The following NTRK1 variants were observed in gnomAD, a reference collection of about 807,000 sequenced individuals.
The protein encoded by NTRK1 is neurotrophic receptor tyrosine kinase 1.
In NTRK1, 62 loss-of-function variants were observed where a neutral mutation model predicts 86.8. The ratio of observed to expected loss-of-function variants is 0.71; its 90% confidence interval spans 0.58 to 0.88. The LOEUF is 0.88. Ranked by LOEUF, NTRK1 falls within the 40% of genes least tolerant of loss-of-function variation. The pLI, the probability that NTRK1 is intolerant of heterozygous loss-of-function variation, is 0.00. For synonymous variants in NTRK1, 469 were observed against 456.6 expected (o/e 1.03, Z -0.35); for missense variants, 967 against 1,078.4 (o/e 0.90, Z 1.45).
At chr1:156,845,541 A>AAAC in intron 2 of NTRK1, 1 of 1,288,360 alleles carries the variant, frequency 7.8e-7, no homozygotes, top group Non-Finnish European at 1.1e-6. Context: ...CCACCCACAA[A>AAAC]CCCCACCCCT....
At chr1:156,844,513 C>G (rs774203872) in intron 2 of NTRK1, 3 of 1,614,122 alleles carry the variant, frequency 1.9e-6, no homozygotes, top group East Asian at 4.5e-5. Context: ...CCATTGCCAG[C>G]CAGTGAGGTT....
chr1:156,846,778 C>A (rs1468132104), intron 2 of NTRK1: 1 of 1,591,184 alleles, frequency 6.3e-7, no homozygotes, highest in South Asian at 1.1e-5. Context: ...ATCCCCAGAG[C>A]TGAGGGGTCA....
chr1:156,856,534 C>T (rs76716220), upstream of NTRK1, among the ~76,000 whole-genome samples: 384 of 152,286 alleles, frequency 2.5e-3, 13 homozygotes, highest in East Asian at 0.059. Flanking sequence ...TTCAGCCTCT[C>T]GGGTCAGACC....
chr1:156,843,220 A>G (rs757666243), intron 2 of NTRK1: 11 of 1,613,990 alleles, frequency 6.8e-6, no homozygotes, highest in Middle Eastern at 1.6e-4. Context: ...CCTCCCATTC[A>G]TCAGGGACAT....
chr1:156,848,899 C>G (rs1441176525), intron 2 of NTRK1: 8 of 1,551,454 alleles, frequency 5.2e-6, no homozygotes, highest in Non-Finnish European at 7.0e-6. Context: ...GCCCCCGCTC[C>G]GGCCCCGCCC....
intron 1 of NTRK1, among the ~76,000 whole-genome samples, chr1:156,839,322 T>TGTGTGGCATGG (rs1654691754): frequency 6.6e-6 from 1 of 152,232 alleles, no homozygotes; most frequent in Non-Finnish European, 1.5e-5. Flanking sequence ...GTGTGGCATG[T>TGTGTGGCATGG]GTGTGGCATG....
upstream of NTRK1, among the ~76,000 whole-genome samples, chr1:156,856,414 T>C (rs771751606): frequency 6.6e-6 from 1 of 152,212 alleles, no homozygotes; most frequent in Non-Finnish European, 1.5e-5. Flanking sequence ...ATTTGATTAC[T>C]CTTGAAAGGA....
At chr1:156,846,850 C>T (rs1655033701) in intron 2 of NTRK1, 2 of 1,047,558 alleles carry the variant, frequency 1.9e-6, no homozygotes, top group Admixed American at 1.8e-5. Context: ...TGTCATTGTC[C>T]TTCCAGTATG....
upstream of NTRK1, among the ~76,000 whole-genome samples, chr1:156,858,064 G>A (rs1193497482): frequency 2.0e-5 from 3 of 152,176 alleles, no homozygotes; most frequent in African/African-American, 7.2e-5. Flanking sequence ...ACAGGACAGG[G>A]CCCTGGAGGC....
At chr1:156,846,615 C>A (rs373532258) in intron 2 of NTRK1, 2 of 1,614,146 alleles carry the variant, frequency 1.2e-6, no homozygotes, top group South Asian at 2.2e-5. Flanking sequence ...ACAAACACTG[C>A]GTACTGTGTC....
Position 156,880,222 on chromosome 1 carries a change from T to C in NTRK1, c.2205+65T>C, listed in dbSNP as rs906860129. On this transcript the variant is annotated intron_variant, in intron 16 of 16. Transcript: ENST00000524377. Reference sequence around the variant, plus strand: ...GTCCCATGCCCCTTCAGGTTCCTTTTTCAGGGAACTCGGTTCCCCTTCTGC... The same window carrying C: ...GTCCCATGCCCCTTCAGGTTCCTTTCTCAGGGAACTCGGTTCCCCTTCTGC... 14 of 1,577,208 alleles carry C rather than the reference T, an allele frequency of 8.9e-6. No individual in the cohort carries two copies. In the Admixed American group the frequency reaches 1.3e-4, roughly 15 times the overall value.
chr1:156,847,255 T>A (rs1323331602), intron 2 of NTRK1, among the ~76,000 whole-genome samples: 1 of 152,204 alleles, frequency 6.6e-6, no homozygotes, highest in Non-Finnish European at 1.5e-5. Context: ...AGAGAGAGTG[T>A]TCCTAGCTTC....
intron 7 of NTRK1, 78 bp downstream of exon 7, chr1:156,871,833 C>A (rs2102900714): frequency 1.3e-6 from 2 of 1,592,992 alleles, no homozygotes; most frequent in East Asian, 2.2e-5. Flanking sequence ...GGGTGGGGGG[C>A]TGGAAGAAAG....
rs540004085 is a variant in NTRK1 at position 156,846,100 on chromosome 1, G to A, written c.50+3907G>A. 1.5e-5 allele frequency: 24 copies of A among 1,604,390 alleles called. No individual in the cohort carries two copies. In the South Asian group the frequency reaches 2.3e-4, roughly 16 times the overall value. On this transcript the variant is annotated intron_variant, in intron 2 of 16. Transcript: ENST00000392302. ...AGGAGGAGTTGGACGTGGAGATGAC[G>A]TCTTGGGGCACCGTGGGAGCTAGGA...
At chr1:156,833,321 C>T (rs1654513446) in intron 1 of NTRK1, among the ~76,000 whole-genome samples, 1 of 152,190 alleles carries the variant, frequency 6.6e-6, no homozygotes, top group Admixed American at 6.5e-5. Context: ...CTTTGGGAGG[C>T]CGAGGCGGGC....
chr1:156,850,618 G>C (rs1310934704), intron 2 of NTRK1, among the ~76,000 whole-genome samples: 1 of 132,652 alleles, frequency 7.5e-6, no homozygotes, highest in Non-Finnish European at 1.5e-5. Flanking sequence ...GCAGTGGCAC[G>C]ATTTCGGCTC....
At chr1:156,842,390 G>C (rs374923450) in intron 2 of NTRK1, 15 of 1,613,506 alleles carry the variant, frequency 9.3e-6, no homozygotes, top group Non-Finnish European at 1.1e-5. Context: ...GGTCTTCCTG[G>C]TCCCTACCTC....
rs745394124 is a variant in NTRK1 at position 156,873,799 on chromosome 1, GACCGTGCGGCACGGGTGTCTGCGCCTCA to G, written c.1021_1048del (p.Val341SerfsTer120). On this transcript the variant is annotated frameshift_variant, in exon 8 of 17. Transcript: ENST00000524377. LOFTEE classifies it high-confidence loss of function. ...AGTTCCTGGAGCCGGCAGCCAATGA[GACCGTGCGGCACGGGTGTCTGCGCCTCA>G]ACCAGCCCACCCACGTCAACAACGG... 1 of 1,613,170 alleles carries G rather than the reference GACCGTGCGGCACGGGTGTCTGCGCCTCA, an allele frequency of 6.2e-7. No homozygotes were observed. Among genetic ancestry groups the G allele is most frequent in the Non-Finnish European group, 8.5e-7 (1 of 1,179,666 alleles).
chr1:156,857,157 CTGTGTATGTGTGTGTGTGTGTG>C (rs1487068972), upstream of NTRK1, among the ~76,000 whole-genome samples: 6 of 121,390 alleles, frequency 4.9e-5, no homozygotes, highest in African/African-American at 2.0e-4. Context: ...TGCCCAGCAG[CTGTGTATGTGTGTGTGTGTGTG>C]TGTGTGTGTG....
Sources: allele counts gnomAD v4.1 joint callset (sites outside exome capture counted in the v4.1 genomes callset), GRCh38; gene constraint gnomAD v4.1.1; transcripts MANE v1.5; gene names NCBI Gene and HGNC (gene_info 2026-07-23, HGNC 2026-07-21).